The following NCK2 variants were observed in gnomAD, a reference collection of about 807,000 sequenced individuals.
NCK2 encodes the protein NCK adaptor protein 2, also known as cytoplasmic protein NCK2.
Under a neutral mutation model 33.9 loss-of-function variants are expected in NCK2, and 16 were observed. That is an observed-to-expected ratio of 0.47 (90% CI 0.32 to 0.72). NCK2 has a LOEUF of 0.72. NCK2 is among the 30% of genes least tolerant of loss of function. The pLI, the probability that NCK2 is intolerant of heterozygous loss-of-function variation, is 0.03. For synonymous variants in NCK2, 273 were observed against 239.9 expected (o/e 1.14, Z -1.27); for missense variants, 418 against 537.3 (o/e 0.78, Z 2.19).
chr2:105,800,955 AGAG>A (rs1200213646), intron 1 of NCK2, among the ~76,000 whole-genome samples: 1 of 152,134 alleles, frequency 6.6e-6, no homozygotes, highest in African/African-American at 2.4e-5. Context: ...GTCTTGAAGG[AGAG>A]GAGAAGTGTC....
rs1677211533 is a variant in NCK2, at chr2:105,855,210, C to A, written c.147C>A (p.Gly49=). The A allele has an allele frequency of 6.2e-7, 1 of 1,613,932 alleles. No homozygotes were observed. Residue 49 remains glycine, a synonymous_variant, in exon 3 of 5, where the codon GGC becomes GGA. Coordinates refer to ENST00000233154, the MANE Select transcript of NCK2 (RefSeq NM_003581.5). The part of the protein sequence containing the change: ...WRVRNAANRT[G]YVPSNYVERK... ...TGAGGAACGCGGCCAACAGGACGGGCTATGTACCGTCCAACTACGTGGAGC... is the reference window on the plus strand; with the variant it reads ...TGAGGAACGCGGCCAACAGGACGGGATATGTACCGTCCAACTACGTGGAGC...
At chr2:105,838,671 C>T (rs1676524755) in intron 2 of NCK2, among the ~76,000 whole-genome samples, 1 of 152,172 alleles carries the variant, frequency 6.6e-6, no homozygotes. Context: ...CAAGGTAGGG[C>T]CTCAGTGTAG....
chr2:105,804,751 A>G (rs1337818394), intron 1 of NCK2, among the ~76,000 whole-genome samples: 3 of 152,342 alleles, frequency 2.0e-5, no homozygotes, highest in Admixed American at 6.5e-5. Context: ...GAAATATGAT[A>G]TGTAAGAACC....
At chr2:105,886,429 A>G (rs555894770) in intron 4 of NCK2, among the ~76,000 whole-genome samples, 78 of 152,382 alleles carry the variant, frequency 5.1e-4, no homozygotes, top group African/African-American at 1.8e-3. Flanking sequence ...CAAACTTGCT[A>G]GAATGCAGAT....
intron 1 of NCK2, among the ~76,000 whole-genome samples, chr2:105,787,925 A>G (rs188843503): frequency 1.1e-3 from 173 of 150,476 alleles, no homozygotes; most frequent in African/African-American, 4.2e-3. Flanking sequence ...CGACTTGTAG[A>G]TCCCTGGCCC....
intron 3 of NCK2, among the ~76,000 whole-genome samples, chr2:105,864,437 G>A (rs1364224872): frequency 6.6e-6 from 1 of 152,094 alleles, no homozygotes; most frequent in Non-Finnish European, 1.5e-5. Context: ...TTTCCAGCCT[G>A]AAGGACCAAC....
chr2:105,777,651 C>CA (rs1166342810), intron 1 of NCK2, among the ~76,000 whole-genome samples: 1 of 152,166 alleles, frequency 6.6e-6, no homozygotes, highest in Admixed American at 6.5e-5. Context: ...CTCCGGGTAA[C>CA]AGTCTGTGGA....
intron 1 of NCK2, among the ~76,000 whole-genome samples, chr2:105,794,694 A>G (rs1691012835): frequency 2.0e-5 from 2 of 100,266 alleles, no homozygotes; most frequent in African/African-American, 7.2e-5. Flanking sequence ...ATAGTTTATT[A>G]TTTTATTTAT....
At chr2:105,851,886 C>G (rs780294037) in intron 2 of NCK2, 3 of 152,404 alleles carry the variant, frequency 2.0e-5, no homozygotes, top group Non-Finnish European at 4.4e-5. Flanking sequence ...ATTGACTGGT[C>G]TTCAGAAGCA....
At chr2:105,761,186 C>T (rs1014534739) in intron 1 of NCK2, among the ~76,000 whole-genome samples, 2 of 152,142 alleles carry the variant, frequency 1.3e-5, no homozygotes, top group Admixed American at 6.5e-5. Flanking sequence ...GTGCCCTACC[C>T]GGGTGCTGGG....
At chr2:105,820,072 G>C (rs965698727) in intron 2 of NCK2, among the ~76,000 whole-genome samples, 1 of 152,206 alleles carries the variant, frequency 6.6e-6, no homozygotes, top group African/African-American at 2.4e-5. Flanking sequence ...CCCTTTAGGG[G>C]ACAGTATGGA....
At chr2:105,830,693 G>GTGTGTGTGTGTGTGTA (rs576845652) in intron 2 of NCK2, among the ~76,000 whole-genome samples, 15,978 of 147,818 alleles carry the variant, frequency 0.11, 1,192 homozygotes, top group African/African-American at 0.19. Flanking sequence ...GTGTGTGTGT[G>GTGTGTGTGTGTGTGTA]TGTGTGTGTG....
Position 105,772,772 on chromosome 2 carries a change from T to G in NCK2, c.-201+27634T>G, listed in dbSNP as rs1690174850. Among the ~76,000 whole-genome samples the G allele has an allele frequency of 2.0e-5, 3 of 152,088 alleles. No homozygotes were observed. In the South Asian group the frequency reaches 6.2e-4, roughly 32 times the overall value. ...TTCTTCTCCCCTCCCATTTTCACAG[T>G]GAGTGCAGCTTCCTTTCATCTGGGA... On this transcript the variant is annotated intron_variant, in intron 1 of 4. Coordinates refer to ENST00000233154, the MANE Select transcript of NCK2 (RefSeq NM_003581.5).
intron 3 of NCK2, among the ~76,000 whole-genome samples, chr2:105,859,861 T>C (rs1189359585): frequency 6.6e-6 from 1 of 152,230 alleles, no homozygotes; most frequent in African/African-American, 2.4e-5. Context: ...CTTGGTGATC[T>C]GCCCTGGGGT....
chr2:105,771,396 G>A (rs112885404), intron 1 of NCK2, among the ~76,000 whole-genome samples: 6 of 151,888 alleles, frequency 4.0e-5, no homozygotes, highest in African/African-American at 9.7e-5. Context: ...GTGAATCCCC[G>A]TTTCTATTAA....
At chr2:105,786,393 C>G (rs1437769871) in intron 1 of NCK2, among the ~76,000 whole-genome samples, 1 of 152,158 alleles carries the variant, frequency 6.6e-6, no homozygotes, top group Non-Finnish European at 1.5e-5. Flanking sequence ...TTCGGGAAGG[C>G]TGGGAGTGTT....
At chr2:105,842,478 A>G (rs972258720) in intron 2 of NCK2, among the ~76,000 whole-genome samples, 1 of 152,024 alleles carries the variant, frequency 6.6e-6, no homozygotes. Context: ...ATGAAAATAT[A>G]TACATTAAAA....
intron 1 of NCK2, among the ~76,000 whole-genome samples, chr2:105,775,712 C>T (rs925603567): frequency 6.6e-6 from 1 of 152,208 alleles, no homozygotes; most frequent in Non-Finnish European, 1.5e-5. Context: ...GTTTTTCCTT[C>T]CTACCCTGGG....
At chr2:105,887,428 T>G (rs567844387) in intron 4 of NCK2, among the ~76,000 whole-genome samples, 1 of 152,144 alleles carries the variant, frequency 6.6e-6, no homozygotes, top group African/African-American at 2.4e-5. Flanking sequence ...GATGTGTAGA[T>G]TATTGATGCT....
Sources: gnomAD v4.1 joint callset for allele counts (sites outside exome capture counted in the v4.1 genomes callset) on GRCh38, gnomAD v4.1.1 for gene constraint, MANE v1.5 for transcripts, NCBI Gene and HGNC (gene_info 2026-07-23, HGNC 2026-07-21) for gene names.